Variants in GRM8 observed in about 807,000 individuals in gnomAD.
GRM8 encodes the protein glutamate metabotropic receptor 8.
Under a neutral mutation model 87.2 loss-of-function variants are expected in GRM8, and 47 were observed. That is an observed-to-expected ratio of 0.54 (90% CI 0.43 to 0.69). The LOEUF is 0.69. Ranked by LOEUF, GRM8 falls within the 30% of genes least tolerant of loss-of-function variation. The probability of loss-of-function intolerance (pLI) is 0.00; values close to 1 mark genes in which losing one functional copy is unlikely to be tolerated. For missense variants in GRM8, 1,019 were observed against 1,139.2 expected (o/e 0.89, Z 1.52); for synonymous variants, 396 against 404.5 (o/e 0.98, Z 0.25).
intron 3 of GRM8, among the ~76,000 whole-genome samples, chr7:127,028,205 C>T (rs1313217337): frequency 6.6e-6 from 1 of 152,178 alleles, no homozygotes; most frequent in Non-Finnish European, 1.5e-5. Context: ...GGCAGATAAG[C>T]TCTTTGATGT....
In GRM8 at chr7:126,655,903, T is replaced by A. The variant is rs1585395026; in HGVS notation, c.1358-46405A>T. Among the ~76,000 whole-genome samples the A allele has an allele frequency of 2.0e-5, 3 of 152,314 alleles. No homozygotes were observed. The East Asian group carries it at 5.8e-4, about 29-fold the overall frequency. ...AATCACATTCCAGGGTACCTATATT[T>A]ATAGAAACACACAGAAAATGGGCTA... On this transcript the variant is annotated intron_variant, in intron 7 of 10. Transcript: ENST00000339582.
At chr7:126,902,459 CAT>C in intron 6 of GRM8, 81 bp downstream of exon 6, 1 of 1,095,216 alleles carries the variant, frequency 9.1e-7, no homozygotes, top group South Asian at 1.7e-5. Context: ...CATCATTATC[CAT>C]ATAGAAAAAC....
At chr7:126,970,635 T>G (rs1810327839) in intron 3 of GRM8, among the ~76,000 whole-genome samples, 1 of 152,204 alleles carries the variant, frequency 6.6e-6, no homozygotes, top group African/African-American at 2.4e-5. Context: ...ATCATTCATG[T>G]GTTCACTGGA....
intron 9 of GRM8, among the ~76,000 whole-genome samples, chr7:126,494,847 C>T (rs1210128885): frequency 6.6e-6 from 1 of 151,944 alleles, no homozygotes; most frequent in South Asian, 2.1e-4. Flanking sequence ...TAAGAGTGTA[C>T]AAAATACATT....
chr7:126,617,098 C>T (rs1799582936), intron 7 of GRM8, among the ~76,000 whole-genome samples: 2 of 152,162 alleles, frequency 1.3e-5, no homozygotes, highest in South Asian at 2.1e-4. Context: ...GACCAATATC[C>T]CTGATGAACA....
intron 3 of GRM8, among the ~76,000 whole-genome samples, chr7:127,088,958 A>G (rs1202543433): frequency 6.6e-6 from 1 of 152,108 alleles, no homozygotes; most frequent in Non-Finnish European, 1.5e-5. Context: ...CTGCGGACAC[A>G]ATTGGAAGCG....
intron 6 of GRM8, among the ~76,000 whole-genome samples, chr7:126,891,308 G>C (rs1371610713): frequency 6.6e-6 from 1 of 151,826 alleles, no homozygotes; most frequent in African/African-American, 2.4e-5. Flanking sequence ...ATCATTTCTG[G>C]AAAATTACTG....
At chr7:126,720,557 T>C (rs779354302) in intron 7 of GRM8, among the ~76,000 whole-genome samples, 1 of 152,112 alleles carries the variant, frequency 6.6e-6, no homozygotes, top group Non-Finnish European at 1.5e-5. Flanking sequence ...ACCAAAAATG[T>C]TGCAGTATAT....
intron 3 of GRM8, among the ~76,000 whole-genome samples, chr7:127,081,660 A>C (rs1586944317): frequency 6.6e-6 from 1 of 152,298 alleles, no homozygotes; most frequent in East Asian, 1.9e-4. Context: ...AGAGCAAATG[A>C]ATATGAATGA....
chr7:126,899,385 C>G (rs536929082), intron 6 of GRM8, among the ~76,000 whole-genome samples: 1 of 152,132 alleles, frequency 6.6e-6, no homozygotes. Context: ...CTGCTGTTCA[C>G]GCACCTACAC....
chr7:127,008,754 G>T (rs1814574772), intron 3 of GRM8, among the ~76,000 whole-genome samples: 2 of 152,122 alleles, frequency 1.3e-5, no homozygotes, highest in East Asian at 1.9e-4. Flanking sequence ...GGATTATAAA[G>T]CATCAATCAT....
At chr7:126,473,192 C>A (rs1464323032) in intron 9 of GRM8, among the ~76,000 whole-genome samples, 3 of 152,128 alleles carry the variant, frequency 2.0e-5, no homozygotes, top group Non-Finnish European at 4.4e-5. Flanking sequence ...GAGCTTGCAC[C>A]TTGTATTTGG....
intron 6 of GRM8, among the ~76,000 whole-genome samples, chr7:126,888,874 A>G (rs1800735854): frequency 6.6e-6 from 1 of 152,162 alleles, no homozygotes. Flanking sequence ...CCCAAATGAA[A>G]ATCTACAATT....
intron 3 of GRM8, among the ~76,000 whole-genome samples, chr7:126,992,910 G>A: frequency 6.6e-6 from 1 of 151,970 alleles, no homozygotes; most frequent in Non-Finnish European, 1.5e-5. Context: ...CAAGCTAAGA[G>A]AAGGGACTTC....
At chr7:127,183,505 C>T (rs1794584621) in intron 2 of GRM8, among the ~76,000 whole-genome samples, 1 of 151,342 alleles carries the variant, frequency 6.6e-6, no homozygotes, top group Non-Finnish European at 1.5e-5. Flanking sequence ...AAAATGAAAA[C>T]ATAGCACCAA....
In GRM8 at chr7:127,150,573, G is replaced by A. The variant is rs535435346; in HGVS notation, c.511-43861C>T. ...GCACTCTACCTACCTCATTGACAAC[G>A]ACTATAATAGACCATAAGTGTTATT... On this transcript the variant is annotated intron_variant, in intron 2 of 10. Transcript: ENST00000339582. 1.1e-4 allele frequency among the ~76,000 whole-genome samples: 16 copies of A among 152,146 alleles called. 1 individual carries two copies. In the South Asian group the frequency reaches 2.9e-3, roughly 28 times the overall value.
chr7:126,793,309 GAGA>G lies in GRM8; in HGVS notation c.1157-23247_1157-23245del, dbSNP rs575601588. On this transcript the variant is annotated intron_variant, in intron 6 of 10. Coordinates refer to ENST00000339582, the MANE Select transcript of GRM8 (RefSeq NM_000845.3). ...TGCTTAGTTCGGTTTGCTGTAATAA[GAGA>G]AGGTTATGATAGAGTGGAAAGGGCA... Among the ~76,000 whole-genome samples, 98 of 152,300 alleles carry G rather than the reference GAGA, an allele frequency of 6.4e-4. 1 individual carries two copies. The highest frequency in any genetic ancestry group is 3.4e-3 in the Middle Eastern group (1 of 294).
intron 6 of GRM8, among the ~76,000 whole-genome samples, chr7:126,836,150 G>GT (rs1208587484): frequency 1.3e-5 from 2 of 152,096 alleles, no homozygotes; most frequent in Non-Finnish European, 2.9e-5. Context: ...ATGAAATACA[G>GT]TTTTTCTAGA....
intron 2 of GRM8, among the ~76,000 whole-genome samples, chr7:127,151,649 T>C (rs1828865888): frequency 6.6e-6 from 1 of 152,092 alleles, no homozygotes; most frequent in South Asian, 2.1e-4. Flanking sequence ...TTTACGGCTT[T>C]CTACTGGGAT....
Sources: allele counts gnomAD v4.1 joint callset (sites outside exome capture counted in the v4.1 genomes callset), GRCh38; gene constraint gnomAD v4.1.1; transcripts MANE v1.5; gene names NCBI Gene and HGNC (gene_info 2026-07-23, HGNC 2026-07-21).